Variants in LRRTM4 observed in about 807,000 individuals in gnomAD.
The protein encoded by LRRTM4 is leucine-rich repeat transmembrane neuronal protein 4.
A neutral mutation model predicts 47.6 loss-of-function variants in LRRTM4; 25 were observed. The observed-to-expected ratio is 0.53, with a 90% confidence interval of 0.38 to 0.73. The LOEUF is 0.73. Ranked by LOEUF, LRRTM4 falls within the 30% of genes least tolerant of loss-of-function variation. The pLI is 0.00. For synonymous variants in LRRTM4, 311 were observed against 269.5 expected, an observed-to-expected ratio of 1.15 and a Z score of -1.51; for missense variants, 638 against 713.4, an observed-to-expected ratio of 0.89 and a Z score of 1.20.
intron 3 of LRRTM4, among the ~76,000 whole-genome samples, chr2:77,450,293 A>ACACACAT (rs1676207422): frequency 6.6e-6 from 1 of 151,680 alleles, no homozygotes; most frequent in Non-Finnish European, 1.5e-5. Context: ...ATGCACACAC[A>ACACACAT]CACACACACA....
At chr2:77,254,325 G>A (rs6721475) in intron 3 of LRRTM4, among the ~76,000 whole-genome samples, 18,625 of 151,582 alleles carry the variant, frequency 0.12, 3,816 homozygotes, top group African/African-American at 0.42. Flanking sequence ...TCATAAATGA[G>A]AGGAATATCA....
At chr2:76,944,825 C>T (rs564084164) in intron 3 of LRRTM4, among the ~76,000 whole-genome samples, 44 of 152,036 alleles carry the variant, frequency 2.9e-4, no homozygotes, top group African/African-American at 1.0e-3. Context: ...TAAAAAGAGT[C>T]TCGGAGTGAT....
At chr2:77,462,271 G>A (rs908456216) in intron 3 of LRRTM4, among the ~76,000 whole-genome samples, 1 of 152,082 alleles carries the variant, frequency 6.6e-6, no homozygotes, top group Non-Finnish European at 1.5e-5. Flanking sequence ...ATATCTGACA[G>A]AAAGAATAAG....
chr2:76,951,981 G>T (rs1675513695), intron 3 of LRRTM4, among the ~76,000 whole-genome samples: 1 of 151,920 alleles, frequency 6.6e-6, no homozygotes, highest in African/African-American at 2.4e-5. Context: ...TGACTTCATA[G>T]TATTCCGTGG....
intron 3 of LRRTM4, among the ~76,000 whole-genome samples, chr2:77,174,584 C>T (rs1673139989): frequency 6.6e-6 from 1 of 152,092 alleles, no homozygotes; most frequent in Non-Finnish European, 1.5e-5. Flanking sequence ...CCTACCATTG[C>T]CTGCTGGAGG....
At chr2:77,401,770 T>A (rs1188196534) in intron 3 of LRRTM4, among the ~76,000 whole-genome samples, 1 of 151,952 alleles carries the variant, frequency 6.6e-6, no homozygotes, top group Non-Finnish European at 1.5e-5. Context: ...TATTTTTGTA[T>A]TCAGAAGCAG....
chr2:76,805,734 TC>T (rs953139874), intron 3 of LRRTM4, among the ~76,000 whole-genome samples: 20 of 152,146 alleles, frequency 1.3e-4, no homozygotes, highest in Admixed American at 5.9e-4. Context: ...CCATCACGCA[TC>T]CACCAGAAAG....
At chr2:77,344,037 A>G (rs959262456) in intron 3 of LRRTM4, among the ~76,000 whole-genome samples, 2 of 151,894 alleles carry the variant, frequency 1.3e-5, no homozygotes, top group Admixed American at 6.6e-5. Context: ...TAAATAGATC[A>G]ATATTAAAAG....
intron 3 of LRRTM4, among the ~76,000 whole-genome samples, chr2:76,919,881 T>C (rs1674380061): frequency 1.3e-5 from 2 of 152,184 alleles, no homozygotes; most frequent in Non-Finnish European, 2.9e-5. Flanking sequence ...TCTGGTCCTT[T>C]CTCCAACTTT....
At chr2:76,856,296 G>T (rs982074148) in intron 3 of LRRTM4, among the ~76,000 whole-genome samples, 1 of 151,048 alleles carries the variant, frequency 6.6e-6, no homozygotes, top group Non-Finnish European at 1.5e-5. Flanking sequence ...GAGAGAGAGA[G>T]ATAAAAAAAA....
chr2:76,796,394 C>A (rs1338358040), intron 3 of LRRTM4, among the ~76,000 whole-genome samples: 4 of 131,320 alleles, frequency 3.0e-5, no homozygotes, highest in African/African-American at 1.2e-4. Context: ...ACAGCAGTAA[C>A]CTCTGCAGAC....
intron 3 of LRRTM4, among the ~76,000 whole-genome samples, chr2:77,083,676 A>G (rs577322039): frequency 6.7e-6 from 1 of 148,158 alleles, no homozygotes; most frequent in East Asian, 2.0e-4. Flanking sequence ...AAGATCAATT[A>G]TTCTAATGCT....
intron 3 of LRRTM4, among the ~76,000 whole-genome samples, chr2:77,309,712 T>C (rs986028349): frequency 6.6e-6 from 1 of 151,744 alleles, no homozygotes; most frequent in Non-Finnish European, 1.5e-5. Flanking sequence ...GATAGATAGA[T>C]AGATAGATAG....
intron 3 of LRRTM4, among the ~76,000 whole-genome samples, chr2:76,797,797 A>G (rs1675429485): frequency 6.6e-6 from 1 of 151,178 alleles, no homozygotes; most frequent in South Asian, 2.1e-4. Flanking sequence ...GAAAACAAAA[A>G]AAGGCAGGGG....
At chr2:77,447,076 G>T (rs958615644) in intron 3 of LRRTM4, among the ~76,000 whole-genome samples, 1 of 151,988 alleles carries the variant, frequency 6.6e-6, no homozygotes, top group Non-Finnish European at 1.5e-5. Flanking sequence ...ATAAGGAATG[G>T]GGTCGTTATT....
At chr2:76,950,194 C>T (rs561345072) in intron 3 of LRRTM4, among the ~76,000 whole-genome samples, 11 of 151,862 alleles carry the variant, frequency 7.2e-5, no homozygotes, top group Non-Finnish European at 1.5e-4. Flanking sequence ...AATAGCTCTG[C>T]CAGAAAACAA....
intron 3 of LRRTM4, among the ~76,000 whole-genome samples, chr2:77,491,389 G>A (rs1678156377): frequency 6.6e-6 from 1 of 151,948 alleles, no homozygotes; most frequent in Non-Finnish European, 1.5e-5. Context: ...AATTAGAAAT[G>A]TCCCTGAGAT....
At chr2:77,491,014 T>C (rs1367457205) in intron 3 of LRRTM4, among the ~76,000 whole-genome samples, 1 of 151,742 alleles carries the variant, frequency 6.6e-6, no homozygotes, top group African/African-American at 2.4e-5. Flanking sequence ...GAGGACAGAA[T>C]ATCCAAATGA....
intron 3 of LRRTM4, among the ~76,000 whole-genome samples, chr2:77,205,468 A>G (rs1674096400): frequency 6.6e-6 from 1 of 152,138 alleles, no homozygotes; most frequent in African/African-American, 2.4e-5. Flanking sequence ...CACTACTAAG[A>G]TCTGGGAGGA....
Sources: allele counts gnomAD v4.1 joint callset (sites outside exome capture counted in the v4.1 genomes callset), GRCh38; gene constraint gnomAD v4.1.1; transcripts MANE v1.5; gene names NCBI Gene and HGNC (gene_info 2026-07-23, HGNC 2026-07-21).